The following KCNE2 variants were observed in gnomAD, a reference collection of about 807,000 sequenced individuals.
The protein encoded by KCNE2 is potassium voltage-gated channel subfamily E regulatory subunit 2, also known as potassium voltage-gated channel subfamily E member 2.
Under a neutral mutation model 4.5 loss-of-function variants are expected in KCNE2, and 4 were observed. The observed-to-expected ratio is 0.89, with a 90% CI of 0.44 to 2.03. The LOEUF is 2.03. Among genes scored for constraint, KCNE2 ranks in the 30% most tolerant of loss-of-function variants. The pLI is 0.03. For synonymous variants in KCNE2, 57 were observed against 55.9 expected, an observed-to-expected ratio of 1.02 and a Z score of -0.09; for missense variants, 137 against 151.4, an observed-to-expected ratio of 0.90 and a Z score of 0.50.
chr21:34,368,435 C>G (rs2123421725), intron 1 of KCNE2, among the ~76,000 whole-genome samples: 1 of 151,766 alleles, frequency 6.6e-6, no homozygotes, highest in African/African-American at 2.4e-5. Context: ...CCCGTCTCTA[C>G]TAAAAATACA....
chr21:34,367,564 A>T (rs1979363905), intron 1 of KCNE2, among the ~76,000 whole-genome samples: 1 of 152,218 alleles, frequency 6.6e-6, no homozygotes, highest in Non-Finnish European at 1.5e-5. Flanking sequence ...TCTAAATAAT[A>T]GAACTTAAAA....
intron 1 of KCNE2, among the ~76,000 whole-genome samples, chr21:34,366,974 C>CAAAAA (rs747133749): frequency 6.7e-5 from 1 of 14,816 alleles, no homozygotes; most frequent in Non-Finnish European, 1.3e-4. Context: ...GACTCCATCT[C>CAAAAA]AAAAAAAAAA....
At chr21:34,367,334 G>A (rs796990342) in intron 1 of KCNE2, among the ~76,000 whole-genome samples, 6 of 152,024 alleles carry the variant, frequency 3.9e-5, no homozygotes, top group African/African-American at 1.4e-4. Flanking sequence ...AAAATAAAAG[G>A]GTAAAAGAGC....
Position 34,370,942 on chromosome 21 carries a change from G to A in KCNE2, c.*92G>A. 6.6e-7 allele frequency: 1 copy of A among 1,509,758 alleles called. No individual in the cohort carries two copies. Among genetic ancestry groups the A allele is most frequent in the Non-Finnish European group, 9.2e-7 (1 of 1,092,310 alleles). 93.5% of individuals were successfully genotyped at this position (1,509,758 alleles called of 1,614,324 possible). A position where few individuals can be genotyped will look rare whatever the true frequency, so the allele number is the denominator to read the frequency against. On this transcript the variant is annotated 3_prime_UTR_variant, in exon 2 of 2. Coordinates refer to ENST00000290310, the MANE Select transcript of KCNE2 (RefSeq NM_172201.2). ...AAATCCAAATTGTCTTTGCTTAGAA[G>A]AAAGTGAGTTCCTTGCTCTCTGTTG...
chr21:34,369,351 A>C (rs1603061963), intron 1 of KCNE2, among the ~76,000 whole-genome samples: 1 of 152,038 alleles, frequency 6.6e-6, no homozygotes, highest in Non-Finnish European at 1.5e-5. Context: ...GGAGTTCGAG[A>C]CCAGCCTGGC....
rs540683836 is a variant in KCNE2 at position 34,370,329 on chromosome 21, T to A, written c.-12-138T>A. On this transcript the variant is annotated intron_variant, in intron 1 of 1. Coordinates refer to ENST00000290310, the MANE Select transcript of KCNE2 (RefSeq NM_172201.2). ...AGTCAGTTTAAAGACTAACAAAATATGCATTAAATCACCAGCCAGGTTAAG... is the reference window on the plus strand; with the variant it reads ...AGTCAGTTTAAAGACTAACAAAATAAGCATTAAATCACCAGCCAGGTTAAG... The A allele has an allele frequency of 1.2e-5, 11 of 940,904 alleles. No homozygotes were observed. In the South Asian group the frequency reaches 1.5e-4, roughly 13 times the overall value. 58.3% of individuals were successfully genotyped at this position (940,904 alleles called of 1,614,324 possible).
chr21:34,368,221 ACACAC>A (rs1273473888), intron 1 of KCNE2, among the ~76,000 whole-genome samples: 12 of 88,224 alleles, frequency 1.4e-4, no homozygotes, highest in Non-Finnish European at 2.1e-4. Flanking sequence ...ACACACACAC[ACACAC>A]ACAATATATA....
rs1310145682 is a variant in KCNE2 at position 34,368,273 on chromosome 21, A to G, written c.-12-2194A>G. ...ATATATATATATATGTATGTTATAT[A>G]TATGTATGTTATATATATGTATGTA... On this transcript the variant is annotated intron_variant, in intron 1 of 1. Coordinates refer to ENST00000290310, the MANE Select transcript of KCNE2 (RefSeq NM_172201.2). 1.3e-4 allele frequency among the ~76,000 whole-genome samples: 14 copies of G among 110,486 alleles called. No homozygotes were observed. The South Asian group carries it at 1.3e-3, about 10-fold the overall frequency. The allele number at this position is 110,486 out of a possible 152,430, so 72.5% of individuals were successfully genotyped here.
rs116748101 is a variant in KCNE2 at position 34,370,382 on chromosome 21, A to G, written c.-12-85A>G. 1.1e-4 allele frequency: 165 copies of G among 1,518,484 alleles called. No homozygotes were observed. In the African/African-American group the frequency reaches 2.0e-3, roughly 19 times the overall value. 94.1% of individuals were successfully genotyped at this position (1,518,484 alleles called of 1,614,324 possible). ...GAAATACTATTACTTATACCCTGGCATCTCCCTCCCACCTTTACATAGCCA... is the reference window on the plus strand; with the variant it reads ...GAAATACTATTACTTATACCCTGGCGTCTCCCTCCCACCTTTACATAGCCA... On this transcript the variant is annotated intron_variant, in intron 1 of 1. Coordinates refer to ENST00000290310, the MANE Select transcript of KCNE2 (RefSeq NM_172201.2).
intron 1 of KCNE2, among the ~76,000 whole-genome samples, chr21:34,368,266 G>A (rs61633171): frequency 0.014 from 842 of 58,146 alleles, 16 homozygotes; most frequent in South Asian, 0.032. Flanking sequence ...ATATATGTAT[G>A]TTATATATAT....
intron 1 of KCNE2, among the ~76,000 whole-genome samples, chr21:34,369,944 C>T (rs1215885288): frequency 6.6e-6 from 1 of 152,186 alleles, no homozygotes; most frequent in Non-Finnish European, 1.5e-5. Context: ...AAACAGAGAA[C>T]ATAAATGAGT....
chr21:34,369,638 T>C (rs1318739887), intron 1 of KCNE2, among the ~76,000 whole-genome samples: 1 of 152,164 alleles, frequency 6.6e-6, no homozygotes, highest in Non-Finnish European at 1.5e-5. Flanking sequence ...AGGGTTGTGT[T>C]GTATTACATT....
chr21:34,368,594 C>T (rs192847579), intron 1 of KCNE2, among the ~76,000 whole-genome samples: 20 of 151,990 alleles, frequency 1.3e-4, no homozygotes, highest in Admixed American at 5.9e-4. Context: ...AGCGAGACTC[C>T]GTCTCAAAAA....
rs1979194286 is a variant in KCNE2, at chr21:34,364,065, C to T, written c.-99C>T. ...CAGCAGGCTGAGGCTTGTGTGCAAC[C>T]CAGAAGAGAGCTCGCTAACGCCAGC... On this transcript the variant is annotated 5_prime_UTR_variant, in exon 1 of 2. Transcript: ENST00000290310. 1 of 152,280 alleles carries T rather than the reference C, an allele frequency of 6.6e-6. No homozygotes were observed. Among genetic ancestry groups the T allele is most frequent in the African/African-American group, 2.4e-5 (1 of 41,458 alleles). The allele number at this position is 152,280 out of a possible 1,614,324, so 9.4% of individuals were successfully genotyped here. A position where few individuals can be genotyped will look rare whatever the true frequency, so the allele number is the denominator to read the frequency against.
chr21:34,370,809 C>A lies in KCNE2; in HGVS notation c.331C>A (p.His111Asn). ...LNLEESKATI[H>N]ENIGAAGFKM... ...TCTAGAAGAATCGAAGGCCACCATC[C>A]ATGAGAACATTGGTGCGGCTGGGTT... Residue 111 changes from histidine to asparagine, a missense_variant, in exon 2 of 2, where the codon CAT becomes AAT. By Grantham distance (68) the His-to-Asn change is moderately conservative. Coordinates refer to ENST00000290310, the MANE Select transcript of KCNE2 (RefSeq NM_172201.2). The A allele has an allele frequency of 6.2e-7, 1 of 1,614,192 alleles. No homozygotes were observed. The highest frequency in any genetic ancestry group is 1.1e-5 in the South Asian group (1 of 91,084).
At position 34,368,264 on chromosome 21, in the gene KCNE2, ATGTTATATATATG is replaced by A. The variant is rs1568812623; in HGVS notation, c.-12-2201_-12-2189del. ...TATATATATATATATATATATATGT[ATGTTATATATATG>A]TATGTTATATATATGTATGTATGTA... On this transcript the variant is annotated intron_variant, in intron 1 of 1. Coordinates refer to ENST00000290310, the MANE Select transcript of KCNE2 (RefSeq NM_172201.2). Among the ~76,000 whole-genome samples the A allele has an allele frequency of 1.4e-3, 111 of 77,356 alleles. 3 individuals are homozygous for A. The highest frequency in any genetic ancestry group is 7.1e-3 in the East Asian group (16 of 2,258). The allele number at this position is 77,356 out of a possible 152,430, so 50.7% of individuals were successfully genotyped here. A position where few individuals can be genotyped will look rare whatever the true frequency, so the allele number is the denominator to read the frequency against.
chr21:34,371,010 T>A lies in KCNE2; in HGVS notation c.*160T>A. 1.2e-6 allele frequency: 1 copy of A among 867,216 alleles called. No homozygotes were observed. 53.7% of individuals were successfully genotyped at this position (867,216 alleles called of 1,614,324 possible). A position where few individuals can be genotyped will look rare whatever the true frequency, so the allele number is the denominator to read the frequency against. On this transcript the variant is annotated 3_prime_UTR_variant, in exon 2 of 2. Transcript: ENST00000290310. Reference sequence around the variant, plus strand: ...TATGTGGTTGGCCAATAAAGATAGATGACATTTCAATCTCAGTGATTTATG... The same window carrying A: ...TATGTGGTTGGCCAATAAAGATAGAAGACATTTCAATCTCAGTGATTTATG...
chr21:34,366,124 C>G (rs57724960), intron 1 of KCNE2, among the ~76,000 whole-genome samples: 1 of 152,152 alleles, frequency 6.6e-6, no homozygotes. Flanking sequence ...CTCTAAAAGG[C>G]TGGTGAACGC....
chr21:34,365,177 A>C (rs1399938792), intron 1 of KCNE2, among the ~76,000 whole-genome samples: 3 of 152,190 alleles, frequency 2.0e-5, no homozygotes. Flanking sequence ...CACCTATCAG[A>C]GAGCAAACCA....
Sources: gnomAD v4.1 joint callset for allele counts (sites outside exome capture counted in the v4.1 genomes callset) on GRCh38, gnomAD v4.1.1 for gene constraint, MANE v1.5 for transcripts, NCBI Gene and HGNC (gene_info 2026-07-23, HGNC 2026-07-21) for gene names.